The following CCDC83 variants were observed in gnomAD, a reference collection of about 807,000 sequenced individuals.
CCDC83 encodes the protein coiled-coil domain containing 83.
A neutral mutation model predicts 50.1 loss-of-function variants in CCDC83; 54 were observed. That is an observed-to-expected ratio of 1.08 (90% CI 0.87 to 1.35). The LOEUF is 1.35. Ranked by LOEUF, CCDC83 falls within the 40% of genes most tolerant of loss-of-function variation. The pLI is 0.00. For synonymous variants in CCDC83, 161 were observed against 153.3 expected (o/e 1.05, Z -0.37); for missense variants, 518 against 473.9 (o/e 1.09, Z -0.86).
intron 2 of CCDC83, among the ~76,000 whole-genome samples, chr11:85,872,469 A>G (rs1466968714): frequency 6.6e-6 from 1 of 152,104 alleles, no homozygotes; most frequent in Non-Finnish European, 1.5e-5. Context: ...TGGGCGACAG[A>G]GCGAGATTCC....
At chr11:85,867,440 T>C (rs550359835) in intron 2 of CCDC83, among the ~76,000 whole-genome samples, 1 of 152,336 alleles carries the variant, frequency 6.6e-6, no homozygotes, top group East Asian at 1.9e-4. Context: ...TGTCTCCTTC[T>C]TTGGAGATCC....
At chr11:85,909,130 T>C (rs1229538714) in intron 7 of CCDC83, among the ~76,000 whole-genome samples, 6 of 152,152 alleles carry the variant, frequency 3.9e-5, no homozygotes, top group African/African-American at 1.4e-4. Flanking sequence ...GTTTTTGTGT[T>C]ATTTGCTAAG....
intron 8 of CCDC83, among the ~76,000 whole-genome samples, chr11:85,914,792 G>A (rs2093470031): frequency 6.6e-6 from 1 of 152,142 alleles, no homozygotes; most frequent in Admixed American, 6.6e-5. Flanking sequence ...GCCCGAGACT[G>A]GGTAATTTAG....
intron 3 of CCDC83, among the ~76,000 whole-genome samples, chr11:85,877,488 A>G (rs954955804): frequency 1.3e-5 from 2 of 152,196 alleles, no homozygotes; most frequent in African/African-American, 4.8e-5. Context: ...GTAAAAATTA[A>G]ACAATTTTTT....
At chr11:85,864,424 AAAC>A (rs372933548) in intron 1 of CCDC83, among the ~76,000 whole-genome samples, 13 of 152,250 alleles carry the variant, frequency 8.5e-5, no homozygotes, top group Non-Finnish European at 1.5e-5. Context: ...TGCTTACTAT[AAAC>A]ATCTGTGAAC....
intron 7 of CCDC83, among the ~76,000 whole-genome samples, chr11:85,909,071 C>A (rs1335580515): frequency 6.6e-6 from 1 of 152,154 alleles, no homozygotes; most frequent in Non-Finnish European, 1.5e-5. Flanking sequence ...GTAGTGGGGA[C>A]TACAGGTGCA....
intron 5 of CCDC83, among the ~76,000 whole-genome samples, chr11:85,889,067 T>C (rs12291381): frequency 0.27 from 41,588 of 152,112 alleles, 6,089 homozygotes; most frequent in African/African-American, 0.3. Flanking sequence ...GTTTGGATGA[T>C]TGGGCCAGGC....
intron 7 of CCDC83, among the ~76,000 whole-genome samples, chr11:85,905,055 G>C (rs1213275378): frequency 2.0e-5 from 3 of 152,196 alleles, no homozygotes. Context: ...CCAGCACTTT[G>C]GGAGGCTGAG....
At chr11:85,872,990 A>ATT (rs370665181) in intron 2 of CCDC83, among the ~76,000 whole-genome samples, 20,237 of 150,612 alleles carry the variant, frequency 0.13, 1,616 homozygotes, top group Middle Eastern at 0.19. Context: ...ATGAACAGGG[A>ATT]TTTTTTTTTC....
chr11:85,884,239 G>A (rs1439313937), intron 4 of CCDC83, among the ~76,000 whole-genome samples: 1 of 152,182 alleles, frequency 6.6e-6, no homozygotes, highest in East Asian at 1.9e-4. Context: ...AGACATGGAG[G>A]AAGAGAGGGA....
intron 7 of CCDC83, among the ~76,000 whole-genome samples, chr11:85,909,554 T>G (rs1299761816): frequency 1.3e-5 from 2 of 151,516 alleles, no homozygotes; most frequent in Admixed American, 1.3e-4. Context: ...GTAACATTCT[T>G]CTATATACTC....
At chr11:85,872,082 A>G (rs2093240902) in intron 2 of CCDC83, among the ~76,000 whole-genome samples, 1 of 152,096 alleles carries the variant, frequency 6.6e-6, no homozygotes, top group Non-Finnish European at 1.5e-5. Context: ...CCTCCCGAGT[A>G]GCTAGAACTA....
intron 6 of CCDC83, among the ~76,000 whole-genome samples, chr11:85,896,025 A>G (rs779404641): frequency 6.6e-6 from 1 of 152,188 alleles, no homozygotes; most frequent in African/African-American, 2.4e-5. Flanking sequence ...TAAGAAATAT[A>G]CGTTGAGTAT....
intron 3 of CCDC83, among the ~76,000 whole-genome samples, chr11:85,879,858 C>T (rs1358139830): frequency 1.3e-5 from 2 of 152,206 alleles, no homozygotes; most frequent in African/African-American, 4.8e-5. Flanking sequence ...TCAGGTGATC[C>T]GCTCGCCTCA....
intron 5 of CCDC83, among the ~76,000 whole-genome samples, chr11:85,888,988 T>A (rs1201463308): frequency 2.0e-5 from 3 of 152,248 alleles, no homozygotes; most frequent in Non-Finnish European, 4.4e-5. Flanking sequence ...TAGCCAGTAT[T>A]TATTTCACAT....
At chr11:85,917,167 A>AGG (rs1554986878) in intron 10 of CCDC83, among the ~76,000 whole-genome samples, 6 of 86,910 alleles carry the variant, frequency 6.9e-5, no homozygotes, top group African/African-American at 2.4e-4. Context: ...AGAGAGAGAG[A>AGG]GAAAGAAAGA....
chr11:85,863,993 C>T (rs1207099024), intron 1 of CCDC83, among the ~76,000 whole-genome samples: 1 of 152,078 alleles, frequency 6.6e-6, no homozygotes, highest in East Asian at 1.9e-4. Flanking sequence ...AATTGTTATC[C>T]TTCTCCCTTG....
chr11:85,899,030 T>C lies in CCDC83; in HGVS notation c.672+15T>C. ...TCAAAAAAGAGGTAAGTGGAATTTA[T>C]CAAAACAAACAATTTCTTCGTTCTC... On this transcript the variant is annotated intron_variant, in intron 7 of 10. Coordinates refer to ENST00000342404, the MANE Select transcript of CCDC83 (RefSeq NM_001286159.2). 1.3e-6 allele frequency: 2 copies of C among 1,576,448 alleles called. No individual in the cohort carries two copies. The highest frequency in any genetic ancestry group is 2.2e-5 in the East Asian group (1 of 44,640).
chr11:85,885,713 A>G (rs2093323658), intron 4 of CCDC83, among the ~76,000 whole-genome samples: 1 of 152,242 alleles, frequency 6.6e-6, no homozygotes. Flanking sequence ...GAGAAATCCA[A>G]ATAAATGAAC....
Sources: allele counts gnomAD v4.1 joint callset (sites outside exome capture counted in the v4.1 genomes callset), GRCh38; gene constraint gnomAD v4.1.1; transcripts MANE v1.5; gene names NCBI Gene and HGNC (gene_info 2026-07-23, HGNC 2026-07-21).